Variants in LRRK1 observed in about 807,000 individuals in gnomAD.
LRRK1 encodes the protein leucine-rich repeat serine/threonine-protein kinase 1.
Under a neutral mutation model 209.1 loss-of-function variants are expected in LRRK1, and 113 were observed. That is an observed-to-expected ratio of 0.54 (90% CI 0.46 to 0.63). The LOEUF is 0.63. Among genes scored for constraint, LRRK1 ranks in the 30% least tolerant of loss-of-function variants. LRRK1 has a pLI of 0.00. For synonymous variants in LRRK1, 1,144 were observed against 1,099.7 expected (o/e 1.04, Z -0.80); for missense variants, 2,284 against 2,632.2 (o/e 0.87, Z 2.89).
intron 6 of LRRK1, among the ~76,000 whole-genome samples, chr15:100,993,494 C>G (rs935434653): frequency 1.3e-5 from 2 of 152,198 alleles, no homozygotes; most frequent in Non-Finnish European, 1.5e-5. Flanking sequence ...CTTTATGACT[C>G]ATCAATACCT....
intron 2 of LRRK1, among the ~76,000 whole-genome samples, chr15:100,936,059 C>A (rs375589688): frequency 6.6e-6 from 1 of 152,088 alleles, no homozygotes; most frequent in African/African-American, 2.4e-5. Context: ...AGATTTAGGC[C>A]GGCACAGGAA....
intron 20 of LRRK1, among the ~76,000 whole-genome samples, chr15:101,034,968 A>T: frequency 6.6e-6 from 1 of 151,388 alleles, no homozygotes. Flanking sequence ...AATTTTGGTT[A>T]TTTGGGTCTT....
rs373432119 is a variant in LRRK1 at position 101,051,828 on chromosome 15, A to G, written c.3557A>G (p.Gln1186Arg). Residue 1186 changes from glutamine to arginine, a missense_variant, in exon 24 of 34, where the codon CAG (glutamine) becomes CGG (arginine). Coordinates refer to ENST00000388948, the MANE Select transcript of LRRK1 (RefSeq NM_024652.6). ...CCCAGTGAGAAATCAGAGGATGTGC[A>G]GTACTTCGACATGGAAGACTGTGTC... The part of the protein sequence containing the change: ...TDPSEKSEDV[Q>R]YFDMEDCVLT... 12 of 1,614,150 alleles carry G rather than the reference A, an allele frequency of 7.4e-6. No homozygotes were observed. The highest frequency in any genetic ancestry group is 1.0e-5 in the Non-Finnish European group (12 of 1,180,026).
chr15:101,052,885 C>A, intron 24 of LRRK1, 37 bp from the exon 25 acceptor site: 1 of 1,591,954 alleles, frequency 6.3e-7, no homozygotes, highest in Non-Finnish European at 8.6e-7. Context: ...CGCATCAGGG[C>A]GGGGGGGATG....
At chr15:100,956,240 T>G (rs1055382481) in intron 2 of LRRK1, among the ~76,000 whole-genome samples, 3 of 152,046 alleles carry the variant, frequency 2.0e-5, no homozygotes, top group Non-Finnish European at 4.4e-5. Context: ...TTCTAAGAAT[T>G]TATCCATTTC....
intron 2 of LRRK1, among the ~76,000 whole-genome samples, chr15:100,960,247 G>A (rs12899955): frequency 0.088 from 12,955 of 147,264 alleles, 634 homozygotes; most frequent in Non-Finnish European, 0.11. Context: ...CTACTGAACA[G>A]TGCTGCAATC....
chr15:100,939,080 T>A, intron 2 of LRRK1, among the ~76,000 whole-genome samples: 1 of 151,988 alleles, frequency 6.6e-6, no homozygotes, highest in East Asian at 1.9e-4. Flanking sequence ...GCAACAAGAG[T>A]GAAACTCCAT....
At chr15:100,950,861 T>C (rs1334382735) in intron 2 of LRRK1, among the ~76,000 whole-genome samples, 3 of 152,352 alleles carry the variant, frequency 2.0e-5, no homozygotes, top group Middle Eastern at 3.4e-3. Context: ...CCCAGCACTT[T>C]GGGAGGCCAA....
chr15:101,041,222 G>A (rs1052570095), intron 20 of LRRK1, among the ~76,000 whole-genome samples: 5 of 152,114 alleles, frequency 3.3e-5, no homozygotes, highest in African/African-American at 1.2e-4. Flanking sequence ...AGCTCTTTTA[G>A]TTCTACCTGG....
intron 2 of LRRK1, among the ~76,000 whole-genome samples, chr15:100,940,730 T>C (rs763847444): frequency 6.6e-6 from 1 of 152,230 alleles, no homozygotes; most frequent in Non-Finnish European, 1.5e-5. Context: ...GCTGGAAAGC[T>C]GGAGCCTGAG....
Position 101,021,551 on chromosome 15 carries a change from G to C in LRRK1, c.1740-294G>C, listed in dbSNP as rs575674431. On this transcript the variant is annotated intron_variant, in intron 13 of 33. Transcript: ENST00000388948. ...AATATTAAAGGGACATCGCCTTCTC[G>C]GGAAGAGGTAGTGATCATCTTTATG... is the stretch of plus-strand genomic sequence containing the variant. Among the ~76,000 whole-genome samples the C allele has an allele frequency of 2.0e-5, 3 of 152,212 alleles. No individual in the cohort carries two copies. The East Asian group carries it at 5.8e-4, about 29-fold the overall frequency.
chr15:100,949,786 A>C (rs74703310), intron 2 of LRRK1, among the ~76,000 whole-genome samples: 7,513 of 152,234 alleles, frequency 0.049, 361 homozygotes, highest in African/African-American at 0.13. Flanking sequence ...CAATAGACAC[A>C]GAAAAGCATT....
At chr15:101,057,290 G>T (rs996740699) in intron 28 of LRRK1, among the ~76,000 whole-genome samples, 1 of 151,918 alleles carries the variant, frequency 6.6e-6, no homozygotes, top group East Asian at 1.9e-4. Flanking sequence ...TTACTTCACC[G>T]TGCAAACAAA....
rs908384295 is a variant in LRRK1, at chr15:101,077,765, C to A, written c.*8917C>A. ...CCATTCTCTCTCTCCACACCGCCCC[C>A]CAAAAATTTTCGCTGCCCCAACACT... On this transcript the variant is annotated 3_prime_UTR_variant, in exon 34 of 34. Transcript: ENST00000388948. The A allele has an allele frequency of 6.6e-6, 1 of 152,100 alleles. No homozygotes were observed. Among genetic ancestry groups the A allele is most frequent in the African/African-American group, 2.4e-5 (1 of 41,404 alleles). The allele number at this position is 152,100 out of a possible 1,614,324, so 9.4% of individuals were successfully genotyped here. A position where few individuals can be genotyped will look rare whatever the true frequency, so the allele number is the denominator to read the frequency against.
At position 101,010,175 on chromosome 15, in the gene LRRK1, C is replaced by T. The variant is rs550365819; in HGVS notation, c.990-275C>T. On this transcript the variant is annotated intron_variant, in intron 7 of 33. Coordinates refer to ENST00000388948, the MANE Select transcript of LRRK1 (RefSeq NM_024652.6). ...CTCAGCAGCTTTCAGGGAACCTACTCATTTTGCTATTACATGCCTGCGAAG... is the reference window on the plus strand; with the variant it reads ...CTCAGCAGCTTTCAGGGAACCTACTTATTTTGCTATTACATGCCTGCGAAG... 1.6e-4 allele frequency among the ~76,000 whole-genome samples: 25 copies of T among 152,334 alleles called. No individual in the cohort carries two copies. The South Asian group carries it at 1.9e-3, about 11-fold the overall frequency.
chr15:100,941,365 T>C (rs1295296039), intron 2 of LRRK1, among the ~76,000 whole-genome samples: 3 of 133,916 alleles, frequency 2.2e-5, no homozygotes, highest in East Asian at 2.1e-4. Context: ...TGTGTGTGTG[T>C]GCCTGTATGT....
At chr15:101,014,251 A>G (rs1037667278) in intron 10 of LRRK1, 65 bp from the exon 11 acceptor site, 39 of 1,155,386 alleles carry the variant, frequency 3.4e-5, no homozygotes, top group Middle Eastern at 1.9e-4. Flanking sequence ...CTGGCTCTTC[A>G]GTCTCCCCTC....
At chr15:100,945,638 C>T (rs1164113305) in intron 2 of LRRK1, among the ~76,000 whole-genome samples, 3 of 151,696 alleles carry the variant, frequency 2.0e-5, no homozygotes, top group South Asian at 2.1e-4. Flanking sequence ...GGATCACAGG[C>T]GCCCACCAAC....
chr15:101,071,512 C>T lies in LRRK1; in HGVS notation c.*2664C>T, dbSNP rs1410198002. On this transcript the variant is annotated 3_prime_UTR_variant, in exon 34 of 34. Coordinates refer to ENST00000388948, the MANE Select transcript of LRRK1 (RefSeq NM_024652.6). Reference sequence around the variant, plus strand: ...TCAAGCAATTCTCCTGCCTCAGCCTCCCGAGTAGCTGCGATTACAGGCGTG... The same window carrying T: ...TCAAGCAATTCTCCTGCCTCAGCCTTCCGAGTAGCTGCGATTACAGGCGTG... 6.6e-6 allele frequency: 1 copy of T among 152,326 alleles called. No individual in the cohort carries two copies. Among genetic ancestry groups the T allele is most frequent in the Non-Finnish European group, 1.5e-5 (1 of 68,122 alleles). The allele number at this position is 152,326 out of a possible 1,614,324, so 9.4% of individuals were successfully genotyped here. A position where few individuals can be genotyped will look rare whatever the true frequency, so the allele number is the denominator to read the frequency against.
Sources: allele counts gnomAD v4.1 joint callset (sites outside exome capture counted in the v4.1 genomes callset), GRCh38; gene constraint gnomAD v4.1.1; transcripts MANE v1.5; gene names NCBI Gene and HGNC (gene_info 2026-07-23, HGNC 2026-07-21).